The following HCRTR2 variants were observed in gnomAD, a reference collection of about 807,000 sequenced individuals.
HCRTR2 encodes orexin receptor type 2.
HCRTR2 carries 22 observed loss-of-function variants against 49.0 expected under a neutral mutation model. That is an observed-to-expected ratio of 0.45 (90% CI 0.32 to 0.64). The LOEUF is 0.64. Among genes scored for constraint, HCRTR2 ranks in the 30% least tolerant of loss-of-function variants. HCRTR2 has a pLI of 0.04. For synonymous variants in HCRTR2, 236 were observed against 205.3 expected (o/e 1.15, Z -1.28); for missense variants, 491 against 559.4 (o/e 0.88, Z 1.23).
chr6:55,118,431 G>A (rs555025528), intron 1 of HCRTR2, among the ~76,000 whole-genome samples: 4 of 151,878 alleles, frequency 2.6e-5, no homozygotes, highest in African/African-American at 4.8e-5. Flanking sequence ...TGAGATTGCT[G>A]GGTTGAATGG....
chr6:55,207,976 T>A (rs1289288324), intron 1 of HCRTR2, among the ~76,000 whole-genome samples: 1 of 152,192 alleles, frequency 6.6e-6, no homozygotes, highest in Non-Finnish European at 1.5e-5. Context: ...TCTTGTCAAC[T>A]TTTTTGTTTT....
intron 1 of HCRTR2, among the ~76,000 whole-genome samples, chr6:55,126,112 C>T (rs551429418): frequency 3.6e-4 from 55 of 152,216 alleles, no homozygotes; most frequent in Admixed American, 1.6e-3. Flanking sequence ...TGAAGCCTAC[C>T]TCTGTCAATT....
At chr6:55,154,452 C>T (rs369421750) in intron 1 of HCRTR2, among the ~76,000 whole-genome samples, 27 of 151,680 alleles carry the variant, frequency 1.8e-4, no homozygotes, top group Admixed American at 7.2e-4. Flanking sequence ...CTCCTTAGGA[C>T]GCAAGGATAA....
At chr6:55,129,204 C>G (rs1764321283) in intron 1 of HCRTR2, among the ~76,000 whole-genome samples, 1 of 152,080 alleles carries the variant, frequency 6.6e-6, no homozygotes, top group Non-Finnish European at 1.5e-5. Flanking sequence ...ATATTTCTCT[C>G]CAGCTCAAAC....
chr6:55,178,100 G>A (rs1016798337), intron 1 of HCRTR2, among the ~76,000 whole-genome samples: 10 of 152,074 alleles, frequency 6.6e-5, no homozygotes, highest in Non-Finnish European at 1.2e-4. Flanking sequence ...TTAAATTAGT[G>A]TGTATATCAG....
At chr6:55,136,810 G>A (rs753273190) in intron 1 of HCRTR2, among the ~76,000 whole-genome samples, 5 of 152,096 alleles carry the variant, frequency 3.3e-5, no homozygotes, top group East Asian at 1.9e-4. Context: ...TCTCACTTGC[G>A]CTTACATGGC....
chr6:55,273,654 G>T (rs886521559), intron 4 of HCRTR2, among the ~76,000 whole-genome samples: 1 of 151,924 alleles, frequency 6.6e-6, no homozygotes, highest in East Asian at 1.9e-4. Flanking sequence ...TTTATTTATT[G>T]ATCTTTTGGC....
At chr6:55,169,021 A>G (rs1406301435) in intron 1 of HCRTR2, among the ~76,000 whole-genome samples, 2 of 151,556 alleles carry the variant, frequency 1.3e-5, no homozygotes, top group African/African-American at 2.4e-5. Flanking sequence ...TGTCTTTTCC[A>G]TATGGTTTCA....
intron 1 of HCRTR2, among the ~76,000 whole-genome samples, chr6:55,201,715 G>T (rs73743295): frequency 0.014 from 2,066 of 152,222 alleles, 59 homozygotes; most frequent in African/African-American, 0.046. Flanking sequence ...AGGGGAATTT[G>T]CATAAATCTA....
intron 3 of HCRTR2, among the ~76,000 whole-genome samples, chr6:55,257,109 G>C (rs562043661): frequency 4.7e-4 from 72 of 152,122 alleles, no homozygotes; most frequent in African/African-American, 1.6e-3. Context: ...ACATTACAAA[G>C]CAGAAAGAGT....
At chr6:55,245,378 T>A (rs1424818988) in intron 1 of HCRTR2, among the ~76,000 whole-genome samples, 1 of 144,038 alleles carries the variant, frequency 6.9e-6, no homozygotes, top group Admixed American at 7.1e-5. Flanking sequence ...TGTGTATATA[T>A]ATATATATGT....
intron 2 of HCRTR2, among the ~76,000 whole-genome samples, chr6:55,249,115 TC>T (rs1047173191): frequency 2.1e-4 from 32 of 152,072 alleles, no homozygotes; most frequent in African/African-American, 7.5e-4. Flanking sequence ...CCAAATTTGA[TC>T]CCAAAAGTTT....
At chr6:55,209,590 A>G (rs1765661610) in intron 1 of HCRTR2, among the ~76,000 whole-genome samples, 1 of 152,166 alleles carries the variant, frequency 6.6e-6, no homozygotes, top group African/African-American at 2.4e-5. Flanking sequence ...ACACTTTTAA[A>G]CTAGGTAGCC....
intron 1 of HCRTR2, among the ~76,000 whole-genome samples, chr6:55,208,833 TGAACCATACAAATAAAA>T (rs1217427518): frequency 6.6e-6 from 1 of 152,150 alleles, no homozygotes; most frequent in Non-Finnish European, 1.5e-5. Context: ...CAGATTTAGA[TGAACCATACAAATAAAA>T]GAACCATGCA....
chr6:55,248,617 T>C, intron 1 of HCRTR2, 22 bp from the exon 2 acceptor site: 1 of 1,602,148 alleles, frequency 6.2e-7, no homozygotes, highest in Non-Finnish European at 8.6e-7. Flanking sequence ...TGAGTGCCTA[T>C]TCCTTTTTCT....
At chr6:55,206,190 T>G (rs1562006514) in intron 1 of HCRTR2, among the ~76,000 whole-genome samples, 2 of 152,100 alleles carry the variant, frequency 1.3e-5, no homozygotes, top group Non-Finnish European at 2.9e-5. Context: ...CAGAAGGAAC[T>G]GAGTTATGGC....
At chr6:55,236,324 A>G (rs1766212179) in intron 1 of HCRTR2, among the ~76,000 whole-genome samples, 1 of 152,098 alleles carries the variant, frequency 6.6e-6, no homozygotes. Flanking sequence ...TTGATTTTGC[A>G]TATATACATT....
At chr6:55,220,253 C>A (rs1765866937) in intron 1 of HCRTR2, among the ~76,000 whole-genome samples, 1 of 152,270 alleles carries the variant, frequency 6.6e-6, no homozygotes, top group East Asian at 1.9e-4. Context: ...AACACACACA[C>A]TTTCAAACAA....
chr6:55,277,509 G>A lies in HCRTR2; in HGVS notation c.892G>A (p.Ala298Thr). The change falls in exon 5 of 7, where the codon GCC (alanine) becomes ACC (threonine). Residue 298 changes from alanine (A) to threonine (T), a missense_variant. By Grantham distance (58) the Ala-to-Thr change is moderately conservative. Coordinates refer to ENST00000370862, the MANE Select transcript of HCRTR2 (RefSeq NM_001384272.1). ...GGCGGCTGAAATAAAGCAGATCCGA[G>A]CCAGAAGGAAAACAGCCCGGATGTT... The part of the protein sequence containing the change: ...AVAAEIKQIR[A>T]RRKTARMLMI... The A allele has an allele frequency of 6.2e-7, 1 of 1,614,110 alleles. No individual in the cohort carries two copies. The highest frequency in any genetic ancestry group is 8.5e-7 in the Non-Finnish European group (1 of 1,180,004).
Sources: gnomAD v4.1 joint callset for allele counts (sites outside exome capture counted in the v4.1 genomes callset) on GRCh38, gnomAD v4.1.1 for gene constraint, MANE v1.5 for transcripts, NCBI Gene and HGNC (gene_info 2026-07-23, HGNC 2026-07-21) for gene names.